The following TCF7L1 variants were observed in gnomAD, a reference collection of about 807,000 sequenced individuals.
TCF7L1 encodes transcription factor 7-like 1.
A neutral mutation model predicts 63.7 loss-of-function variants in TCF7L1; 18 were observed. The observed-to-expected ratio is 0.28, with a 90% CI of 0.20 to 0.42. The LOEUF is 0.42. TCF7L1 is among the 10% of genes least tolerant of loss of function. The pLI, the probability that TCF7L1 is intolerant of heterozygous loss-of-function variation, is 1.00. For missense variants in TCF7L1, 654 were observed against 779.3 expected, an observed-to-expected ratio of 0.84 and a Z score of 1.91; for synonymous variants, 355 against 340.9, an observed-to-expected ratio of 1.04 and a Z score of -0.46.
At chr2:85,161,346 G>A (rs1678282980) in intron 3 of TCF7L1, among the ~76,000 whole-genome samples, 1 of 152,232 alleles carries the variant, frequency 6.6e-6, no homozygotes, top group Admixed American at 6.5e-5. Flanking sequence ...TGAACTTGAA[G>A]TGATGGGCCC....
intron 3 of TCF7L1, among the ~76,000 whole-genome samples, chr2:85,279,453 G>T (rs1681360742): frequency 6.6e-6 from 1 of 152,080 alleles, no homozygotes; most frequent in South Asian, 2.1e-4. Flanking sequence ...ACTCTAGTTG[G>T]GCTAGGCCTG....
chr2:85,254,697 TTC>T (rs1035035352), intron 3 of TCF7L1, among the ~76,000 whole-genome samples: 1 of 152,216 alleles, frequency 6.6e-6, no homozygotes, highest in Admixed American at 6.5e-5. Flanking sequence ...GGGGGCTCTA[TTC>T]TCACTCCTAC....
intron 3 of TCF7L1, among the ~76,000 whole-genome samples, chr2:85,250,739 A>C (rs1680569311): frequency 6.6e-6 from 1 of 152,206 alleles, no homozygotes; most frequent in Admixed American, 6.5e-5. Context: ...CCCAGCCGAA[A>C]AATGAGATTT....
At chr2:85,162,582 C>T (rs1560585) in intron 3 of TCF7L1, among the ~76,000 whole-genome samples, 7,819 of 152,218 alleles carry the variant, frequency 0.051, 218 homozygotes, top group Middle Eastern at 0.092. Context: ...TGGGTCAAAC[C>T]TTCTGATATT....
At chr2:85,232,380 G>C (rs1680102333) in intron 3 of TCF7L1, among the ~76,000 whole-genome samples, 1 of 152,032 alleles carries the variant, frequency 6.6e-6, no homozygotes, top group Non-Finnish European at 1.5e-5. Context: ...TCTACCCTCA[G>C]ATTTATTCAT....
intron 7 of TCF7L1, among the ~76,000 whole-genome samples, chr2:85,304,665 C>T (rs547081602): frequency 6.6e-6 from 1 of 152,178 alleles, no homozygotes; most frequent in African/African-American, 2.4e-5. Flanking sequence ...ACCCGTCGTA[C>T]ATTGAAAACA....
At chr2:85,168,832 G>T (rs1678481441) in intron 3 of TCF7L1, among the ~76,000 whole-genome samples, 1 of 152,148 alleles carries the variant, frequency 6.6e-6, no homozygotes, top group Admixed American at 6.5e-5. Flanking sequence ...TATTGGCCAG[G>T]CTGGTCTCAA....
intron 3 of TCF7L1, among the ~76,000 whole-genome samples, chr2:85,225,791 C>T (rs1254625591): frequency 2.6e-5 from 4 of 152,196 alleles, no homozygotes; most frequent in African/African-American, 9.6e-5. Flanking sequence ...ACTGATTGCC[C>T]TGGCCAGAAC....
At chr2:85,245,649 A>T (rs1680445134) in intron 3 of TCF7L1, among the ~76,000 whole-genome samples, 1 of 151,448 alleles carries the variant, frequency 6.6e-6, no homozygotes, top group Admixed American at 6.6e-5. Flanking sequence ...CGTCTCTACT[A>T]AAAAAAATAC....
chr2:85,171,590 C>G (rs1268137163), intron 3 of TCF7L1, among the ~76,000 whole-genome samples: 3 of 152,176 alleles, frequency 2.0e-5, no homozygotes, highest in Non-Finnish European at 1.5e-5. Context: ...GAAAGCCAAT[C>G]CTCTTCAATA....
chr2:85,134,520 C>A lies in TCF7L1; in HGVS notation c.441+70C>A. ...CCGCAGGATGCGCCCCCGGGCTTGGCCATGGAGTGGGGGATGGGGCCTTCT... is the reference window on the plus strand; with the variant it reads ...CCGCAGGATGCGCCCCCGGGCTTGGACATGGAGTGGGGGATGGGGCCTTCT... On this transcript the variant is annotated intron_variant, in intron 3 of 11. Transcript: ENST00000282111. This position sits in a 1 kb window ranked among gnomAD's most constrained non-coding sequence, Gnocchi z 5.0. The A allele has an allele frequency of 1.3e-6, 2 of 1,525,686 alleles. No homozygotes were observed. Among genetic ancestry groups the A allele is most frequent in the Non-Finnish European group, 1.8e-6 (2 of 1,135,938 alleles). 94.5% of individuals were successfully genotyped at this position (1,525,686 alleles called of 1,614,324 possible). A position where few individuals can be genotyped will look rare whatever the true frequency, so the allele number is the denominator to read the frequency against.
chr2:85,145,486 G>T (rs1447534103), intron 3 of TCF7L1, among the ~76,000 whole-genome samples: 1 of 152,122 alleles, frequency 6.6e-6, no homozygotes, highest in Non-Finnish European at 1.5e-5. Context: ...CTGATGTTTG[G>T]GACTACACTC....
chr2:85,227,925 A>C lies in TCF7L1; in HGVS notation c.442-55570A>C, dbSNP rs182576541. Among the ~76,000 whole-genome samples, 501 of 150,282 alleles carry C rather than the reference A, an allele frequency of 3.3e-3. 9 individuals carry two copies. The highest frequency in any genetic ancestry group is 0.03 in the Admixed American group (449 of 14,988). On this transcript the variant is annotated intron_variant, in intron 3 of 11. Coordinates refer to ENST00000282111, the MANE Select transcript of TCF7L1 (RefSeq NM_031283.3). The stretch of plus-strand genomic sequence containing the variant: ...GAGGATTGCTTGAACCCAGGAGTTT[A>C]AGGCTACAGGGAACTATGATCTCCC...
rs1171593438 is a variant in TCF7L1 at position 85,134,190 on chromosome 2, C to T, written c.313+111C>T. The T allele has an allele frequency of 1.4e-5, 21 of 1,502,294 alleles. No homozygotes were observed. The highest frequency in any genetic ancestry group is 1.7e-5 in the Non-Finnish European group (19 of 1,122,362). 93.1% of individuals were successfully genotyped at this position (1,502,294 alleles called of 1,614,324 possible). On this transcript the variant is annotated intron_variant, in intron 2 of 11. Coordinates refer to ENST00000282111, the MANE Select transcript of TCF7L1 (RefSeq NM_031283.3). This position sits in a 1 kb window ranked among gnomAD's most constrained non-coding sequence, Gnocchi z 5.0. ...TGGGTGGACGCACCCTTGCCCTCCG[C>T]CTTTATTGGCGGCAGCCCCCGTGGG...
chr2:85,241,556 C>T (rs962267697), intron 3 of TCF7L1, among the ~76,000 whole-genome samples: 9 of 145,190 alleles, frequency 6.2e-5, no homozygotes, highest in Non-Finnish European at 9.0e-5. Context: ...AAGCGATTCT[C>T]CTGCCTTAGC....
At chr2:85,168,715 G>A (rs369465279) in intron 3 of TCF7L1, among the ~76,000 whole-genome samples, 1 of 151,842 alleles carries the variant, frequency 6.6e-6, no homozygotes, top group Non-Finnish European at 1.5e-5. Context: ...TCCGCCTCCC[G>A]GAATCAAGTG....
intron 4 of TCF7L1, among the ~76,000 whole-genome samples, chr2:85,289,293 G>A (rs552625026): frequency 6.6e-6 from 1 of 151,924 alleles, no homozygotes; most frequent in South Asian, 2.1e-4. Context: ...AATGCTTCCT[G>A]TCCAGGTAGA....
At chr2:85,244,454 G>T (rs1680413580) in intron 3 of TCF7L1, among the ~76,000 whole-genome samples, 1 of 152,280 alleles carries the variant, frequency 6.6e-6, no homozygotes, top group East Asian at 1.9e-4. Context: ...TCAGATTCTG[G>T]ACCCATTTTG....
chr2:85,212,392 G>A (rs569195067), intron 3 of TCF7L1, among the ~76,000 whole-genome samples: 1 of 152,336 alleles, frequency 6.6e-6, no homozygotes, highest in South Asian at 2.1e-4. Context: ...CTGAGCTTCA[G>A]TCTGTGTAAA....
Sources: allele counts gnomAD v4.1 joint callset (sites outside exome capture counted in the v4.1 genomes callset), GRCh38; gene constraint gnomAD v4.1.1; non-coding constraint Gnocchi (gnomAD v3.1); transcripts MANE v1.5; gene names NCBI Gene and HGNC (gene_info 2026-07-23, HGNC 2026-07-21).